Variants in DERA observed in about 807,000 individuals in gnomAD.
DERA encodes the protein 2-deoxy-D-ribose 5-phosphate aldolase.
Under a neutral mutation model 41.1 loss-of-function variants are expected in DERA, and 15 were observed. That is an observed-to-expected ratio of 0.37 (90% confidence interval 0.24 to 0.56). DERA has a LOEUF of 0.56. DERA is among the 20% of genes least tolerant of loss of function. The pLI, the probability that DERA is intolerant of heterozygous loss-of-function variation, is 0.81. For synonymous variants in DERA, 139 were observed against 137.4 expected (o/e 1.01, Z -0.08); for missense variants, 396 against 403.4 (o/e 0.98, Z 0.16).
chr12:15,921,902 G>T lies in DERA; in HGVS notation c.31+10488G>T, dbSNP rs1241738422. Among the ~76,000 whole-genome samples the T allele has an allele frequency of 6.7e-6, 1 of 149,508 alleles. No individual in the cohort carries two copies. The highest frequency in any genetic ancestry group is 1.5e-5 in the Non-Finnish European group (1 of 67,540). On this transcript the variant is annotated intron_variant, in intron 1 of 8. Transcript: ENST00000428559. This position sits in a 1 kb window ranked among gnomAD's most constrained non-coding sequence, Gnocchi z 5.3. ...GATCACGCCATTGCACTCCAGCCTGGGTGACGAGCAAAACTCCATCTCAGA... is the reference window on the plus strand; with the variant it reads ...GATCACGCCATTGCACTCCAGCCTGTGTGACGAGCAAAACTCCATCTCAGA...
At chr12:15,932,625 CAG>C (rs1473892644) in intron 1 of DERA, among the ~76,000 whole-genome samples, 1 of 150,804 alleles carries the variant, frequency 6.6e-6, no homozygotes, top group Non-Finnish European at 1.5e-5. Flanking sequence ...GCCTGAGTAA[CAG>C]TGAGAACCTG....
Position 15,913,745 on chromosome 12 carries a change from G to T in DERA, c.31+2331G>T, listed in dbSNP as rs1160031622. Among the ~76,000 whole-genome samples, 3 of 152,166 alleles carry T rather than the reference G, an allele frequency of 2.0e-5. No individual in the cohort carries two copies. The highest frequency in any genetic ancestry group is 2.9e-5 in the Non-Finnish European group (2 of 68,030). On this transcript the variant is annotated intron_variant, in intron 1 of 8. Coordinates refer to ENST00000428559, the MANE Select transcript of DERA (RefSeq NM_015954.4). This position sits in a 1 kb window ranked among gnomAD's most constrained non-coding sequence, Gnocchi z 4.5. ...GTCTTTAAGGAAAACATTGGCATTT[G>T]GATGTATGAAAGATGTTTTCCAAAT...
At chr12:16,002,091 G>A (rs1233345634) in intron 6 of DERA, among the ~76,000 whole-genome samples, 6 of 151,140 alleles carry the variant, frequency 4.0e-5, no homozygotes, top group Admixed American at 1.3e-4. Flanking sequence ...CCATTAACTC[G>A]TCATTTAACA....
Position 15,985,907 on chromosome 12 carries a change from T to C in DERA, c.637+3471T>C, listed in dbSNP as rs575899307. 1.4e-4 allele frequency among the ~76,000 whole-genome samples: 21 copies of C among 152,294 alleles called. No homozygotes were observed. The highest frequency in any genetic ancestry group is 5.1e-4 in the African/African-American group (21 of 41,576). ...ATGTTTTTCAGATCTAGTTTTGTTT[T>C]CTTTTTGGTCTACTGGTTCTGTTTA... On this transcript the variant is annotated intron_variant, in intron 6 of 8. Transcript: ENST00000428559. The surrounding 1 kb of genome is among the most constrained non-coding windows in gnomAD (Gnocchi z 4.2).
At chr12:15,968,690 C>T (rs1948640264) in intron 5 of DERA, among the ~76,000 whole-genome samples, 2 of 152,228 alleles carry the variant, frequency 1.3e-5, no homozygotes, top group Non-Finnish European at 2.9e-5. Flanking sequence ...GAGATAATGA[C>T]ATCTACTTCA....
intron 1 of DERA, among the ~76,000 whole-genome samples, chr12:15,920,932 T>C (rs1190035124): frequency 2.0e-5 from 3 of 152,228 alleles, no homozygotes; most frequent in Non-Finnish European, 4.4e-5. Flanking sequence ...ATAGCTCTTA[T>C]GAATGAATAC....
In DERA at chr12:16,012,567, G is replaced by A. The variant is rs919004832; in HGVS notation, c.638-19975G>A. 3.3e-5 allele frequency among the ~76,000 whole-genome samples: 5 copies of A among 152,198 alleles called. No individual in the cohort carries two copies. Among genetic ancestry groups the A allele is most frequent in the Admixed American group, 6.5e-5 (1 of 15,282 alleles). On this transcript the variant is annotated intron_variant, in intron 6 of 8. Coordinates refer to ENST00000428559, the MANE Select transcript of DERA (RefSeq NM_015954.4). This position sits in a 1 kb window ranked among gnomAD's most constrained non-coding sequence, Gnocchi z 4.1. ...AATATTCAAATTTGGGAGCAGAGCCGAGTTGTTTAGACAAGAGAGAATAGT... is the reference window on the plus strand; with the variant it reads ...AATATTCAAATTTGGGAGCAGAGCCAAGTTGTTTAGACAAGAGAGAATAGT...
chr12:15,949,841 C>G (rs1169359129), intron 1 of DERA, among the ~76,000 whole-genome samples: 1 of 152,180 alleles, frequency 6.6e-6, no homozygotes, highest in Non-Finnish European at 1.5e-5. Flanking sequence ...ATCTTGGAAC[C>G]ACCTACCTGT....
rs1404475707 is a variant in DERA at position 15,990,073 on chromosome 12, A to T, written c.637+7637A>T. Among the ~76,000 whole-genome samples, 2 of 152,236 alleles carry T rather than the reference A, an allele frequency of 1.3e-5. No homozygotes were observed. The highest frequency in any genetic ancestry group is 2.9e-5 in the Non-Finnish European group (2 of 68,036). On this transcript the variant is annotated intron_variant, in intron 6 of 8. Transcript: ENST00000428559. This position sits in a 1 kb window ranked among gnomAD's most constrained non-coding sequence, Gnocchi z 4.3. ...CTGTAAATAAAGTACTTTGCAAGTT[A>T]TTGAAAAATATTAGTATACCTTCCT...
rs1948863458 is a variant in DERA, at chr12:15,999,952, A to G, written c.637+17516A>G. Among the ~76,000 whole-genome samples the G allele has an allele frequency of 6.6e-6, 1 of 152,206 alleles. No homozygotes were observed. The highest frequency in any genetic ancestry group is 6.5e-5 in the Admixed American group (1 of 15,282). On this transcript the variant is annotated intron_variant, in intron 6 of 8. Coordinates refer to ENST00000428559, the MANE Select transcript of DERA (RefSeq NM_015954.4). This position sits in a 1 kb window ranked among gnomAD's most constrained non-coding sequence, Gnocchi z 5.3. ...TGTTTAGGCTGGAGACAGGAAGGCCATTAGGAAGCTGTGATAACACTTCAG... is the reference window on the plus strand; with the variant it reads ...TGTTTAGGCTGGAGACAGGAAGGCCGTTAGGAAGCTGTGATAACACTTCAG...
chr12:15,957,457 A>G lies in DERA; in HGVS notation c.129+424A>G, dbSNP rs1484216369. ...TCTTGACCATCATATTTACCTTACT[A>G]TTACTTTCTATAAATCATTTTTCAA... On this transcript the variant is annotated intron_variant, in intron 2 of 8. Transcript: ENST00000428559. The surrounding 1 kb of genome is among the most constrained non-coding windows in gnomAD (Gnocchi z 4.8). Among the ~76,000 whole-genome samples, 3 of 152,100 alleles carry G rather than the reference A, an allele frequency of 2.0e-5. No individual in the cohort carries two copies. Among genetic ancestry groups the G allele is most frequent in the Non-Finnish European group, 4.4e-5 (3 of 68,022 alleles).
rs1399483223 is a variant in DERA at position 15,943,919 on chromosome 12, C to T, written c.32-13017C>T. Reference sequence around the variant, plus strand: ...ACAGACCCTGGTGTGTGATGTTCCCCTTCCTGTGTCCAAGTGTTCTCATTG... The same window carrying T: ...ACAGACCCTGGTGTGTGATGTTCCCTTTCCTGTGTCCAAGTGTTCTCATTG... On this transcript the variant is annotated intron_variant, in intron 1 of 8. Coordinates refer to ENST00000428559, the MANE Select transcript of DERA (RefSeq NM_015954.4). This position sits in a 1 kb window ranked among gnomAD's most constrained non-coding sequence, Gnocchi z 4.5. Among the ~76,000 whole-genome samples, 1 of 136,866 alleles carries T rather than the reference C, an allele frequency of 7.3e-6. No individual in the cohort carries two copies. Among genetic ancestry groups the T allele is most frequent in the Non-Finnish European group, 1.6e-5 (1 of 64,416 alleles). The allele number at this position is 136,866 out of a possible 152,430, so 89.8% of individuals were successfully genotyped here. A position where few individuals can be genotyped will look rare whatever the true frequency, so the allele number is the denominator to read the frequency against.
At chr12:15,949,082 G>A (rs536133949) in intron 1 of DERA, among the ~76,000 whole-genome samples, 33 of 152,122 alleles carry the variant, frequency 2.2e-4, no homozygotes, top group Admixed American at 3.9e-4. Flanking sequence ...AGGGGTAACC[G>A]GCCGTGTGGG....
rs1948696745 is a variant in DERA at position 15,976,312 on chromosome 12, G to A, written c.509-5996G>A. Among the ~76,000 whole-genome samples the A allele has an allele frequency of 6.6e-6, 1 of 151,956 alleles. No individual in the cohort carries two copies. The highest frequency in any genetic ancestry group is 1.5e-5 in the Non-Finnish European group (1 of 68,002). Reference sequence around the variant, plus strand: ...CTAGAACCTGCGGGTTGTCTTCCTGGCTCTACTTGCCAAGTCCTCCCCAAC... The same window carrying A: ...CTAGAACCTGCGGGTTGTCTTCCTGACTCTACTTGCCAAGTCCTCCCCAAC... On this transcript the variant is annotated intron_variant, in intron 5 of 8. Coordinates refer to ENST00000428559, the MANE Select transcript of DERA (RefSeq NM_015954.4). The surrounding 1 kb of genome is among the most constrained non-coding windows in gnomAD (Gnocchi z 4.1).
At chr12:15,955,494 T>C (rs1948531404) in intron 1 of DERA, among the ~76,000 whole-genome samples, 1 of 152,082 alleles carries the variant, frequency 6.6e-6, no homozygotes, top group Non-Finnish European at 1.5e-5. Context: ...TGAAGTTGGC[T>C]CAGCAAACAA....
intron 1 of DERA, among the ~76,000 whole-genome samples, chr12:15,939,571 T>C (rs1240145753): frequency 6.6e-6 from 1 of 152,204 alleles, no homozygotes; most frequent in Non-Finnish European, 1.5e-5. Flanking sequence ...TCATTAATAA[T>C]TGAAGTTCAC....
chr12:16,036,156 C>CT lies in DERA; in HGVS notation c.751-75dup, dbSNP rs980234331. 3 of 1,273,156 alleles carry CT rather than the reference C, an allele frequency of 2.4e-6. No individual in the cohort carries two copies. The highest frequency in any genetic ancestry group is 3.1e-6 in the Non-Finnish European group (3 of 981,654). The allele number at this position is 1,273,156 out of a possible 1,614,324, so 78.9% of individuals were successfully genotyped here. On this transcript the variant is annotated intron_variant, in intron 7 of 8. Transcript: ENST00000428559. This position sits in a 1 kb window ranked among gnomAD's most constrained non-coding sequence, Gnocchi z 4.9. ...AAGAGGGAGAGAGAGAATCAAGACT[C>CT]TGATAAACATAGTACTATTTTTAAA...
chr12:16,023,078 A>G (rs923535098), intron 6 of DERA, among the ~76,000 whole-genome samples: 1 of 152,326 alleles, frequency 6.6e-6, no homozygotes. Context: ...AAGCTAAGAA[A>G]CATTTGTGAC....
At chr12:16,024,357 T>C (rs1949039374) in intron 6 of DERA, among the ~76,000 whole-genome samples, 1 of 151,980 alleles carries the variant, frequency 6.6e-6, no homozygotes, top group African/African-American at 2.4e-5. Context: ...CATATTATAG[T>C]CAAATTGAAG....
Sources: allele counts gnomAD v4.1 joint callset (sites outside exome capture counted in the v4.1 genomes callset), GRCh38; gene constraint gnomAD v4.1.1; non-coding constraint Gnocchi (gnomAD v3.1); transcripts MANE v1.5; gene names NCBI Gene and HGNC (gene_info 2026-07-23, HGNC 2026-07-21).